Variants in ZCWPW2 observed in about 807,000 individuals in gnomAD.
The protein encoded by ZCWPW2 is zinc finger CW-type PWWP domain protein 2.
ZCWPW2 carries 45 observed loss-of-function variants against 46.6 expected under a neutral mutation model. That is an observed-to-expected ratio of 0.96 (90% CI 0.76 to 1.24). The LOEUF is 1.24. Ranked by LOEUF, ZCWPW2 falls within the 50% of genes most tolerant of loss-of-function variation. ZCWPW2 has a pLI of 0.00. For missense variants in ZCWPW2, 429 were observed against 403.9 expected, an observed-to-expected ratio of 1.06 and a Z score of -0.53; for synonymous variants, 152 against 137.1, an observed-to-expected ratio of 1.11 and a Z score of -0.76.
At chr3:28,385,917 A>T (rs1300685738) in intron 1 of ZCWPW2, among the ~76,000 whole-genome samples, 5 of 149,638 alleles carry the variant, frequency 3.3e-5, no homozygotes, top group African/African-American at 1.2e-4. Flanking sequence ...CACTCTCTTT[A>T]TCTGGCTTTT....
chr3:28,520,941 T>C (rs1700705888), intron 8 of ZCWPW2, 51 bp from the exon 9 acceptor site: 2 of 1,600,574 alleles, frequency 1.2e-6, no homozygotes, highest in South Asian at 2.2e-5. Flanking sequence ...ATGAATTAGA[T>C]TGAATTAAGT....
chr3:28,390,247 AATT>A (rs1695433054), intron 1 of ZCWPW2, among the ~76,000 whole-genome samples: 1 of 152,166 alleles, frequency 6.6e-6, no homozygotes, highest in Non-Finnish European at 1.5e-5. Context: ...AAAAACAAAG[AATT>A]ATTTTTATTA....
chr3:28,445,518 G>C (rs1314583768), intron 4 of ZCWPW2, among the ~76,000 whole-genome samples: 1 of 152,000 alleles, frequency 6.6e-6, no homozygotes, highest in Non-Finnish European at 1.5e-5. Flanking sequence ...TAATCCTCGT[G>C]TTAAACACAA....
chr3:28,523,362 A>G (rs1405286832), intron 9 of ZCWPW2, among the ~76,000 whole-genome samples: 1 of 152,162 alleles, frequency 6.6e-6, no homozygotes, highest in Non-Finnish European at 1.5e-5. Context: ...GAGAAATTTC[A>G]GTTTAAAAGT....
intron 5 of ZCWPW2, 33 bp downstream of exon 5, chr3:28,478,964 A>T: frequency 1.5e-6 from 2 of 1,369,260 alleles, no homozygotes; most frequent in Non-Finnish European, 2.0e-6. Context: ...TTACTCTGAA[A>T]TAAGGATTTA....
At chr3:28,454,792 A>C (rs573548973) in intron 4 of ZCWPW2, among the ~76,000 whole-genome samples, 44 of 152,306 alleles carry the variant, frequency 2.9e-4, no homozygotes, top group African/African-American at 1.0e-3. Context: ...GGCTCCACCC[A>C]TGTCTGTGCA....
At chr3:28,373,095 A>G (rs1268913283) in intron 1 of ZCWPW2, among the ~76,000 whole-genome samples, 3 of 152,172 alleles carry the variant, frequency 2.0e-5, no homozygotes, top group Non-Finnish European at 4.4e-5. Flanking sequence ...TAATTTGGCT[A>G]TTGTGAATAG....
chr3:28,401,615 C>A (rs190237218), intron 2 of ZCWPW2, among the ~76,000 whole-genome samples: 1 of 152,196 alleles, frequency 6.6e-6, no homozygotes, highest in East Asian at 1.9e-4. Context: ...ACATTTCATC[C>A]GACAACTGCA....
intron 1 of ZCWPW2, among the ~76,000 whole-genome samples, chr3:28,362,171 A>G (rs1228440603): frequency 6.6e-6 from 1 of 152,196 alleles, no homozygotes; most frequent in Non-Finnish European, 1.5e-5. Flanking sequence ...GTATAAATGG[A>G]ATGGAATATC....
chr3:28,350,216 T>C (rs1704490316), intron 1 of ZCWPW2, among the ~76,000 whole-genome samples: 1 of 152,206 alleles, frequency 6.6e-6, no homozygotes, highest in Non-Finnish European at 1.5e-5. Context: ...AAGTAGAGTT[T>C]TGAAGAATGC....
At chr3:28,520,600 A>T (rs1700696880) in intron 8 of ZCWPW2, among the ~76,000 whole-genome samples, 1 of 152,228 alleles carries the variant, frequency 6.6e-6, no homozygotes, top group Non-Finnish European at 1.5e-5. Context: ...GTCACAGACC[A>T]TCTGGCTCCC....
intron 4 of ZCWPW2, among the ~76,000 whole-genome samples, chr3:28,474,861 G>A (rs1699181519): frequency 1.3e-5 from 2 of 151,670 alleles, no homozygotes; most frequent in Non-Finnish European, 2.9e-5. Flanking sequence ...ACGGAGTCTC[G>A]CTCTGTTGCC....
intron 4 of ZCWPW2, chr3:28,478,398 C>T: frequency 5.0e-6 from 1 of 199,398 alleles, no homozygotes; most frequent in Non-Finnish European, 1.1e-5. Context: ...GTGTGAACCA[C>T]TGCACCCTGC....
At chr3:28,410,731 G>A (rs1002053665) in intron 2 of ZCWPW2, among the ~76,000 whole-genome samples, 5 of 151,806 alleles carry the variant, frequency 3.3e-5, no homozygotes, top group Admixed American at 2.0e-4. Flanking sequence ...ATCAACTTAA[G>A]AAGAGAAAAA....
chr3:28,435,332 A>G, intron 4 of ZCWPW2, 63 bp downstream of exon 4: 2 of 1,485,992 alleles, frequency 1.3e-6, no homozygotes, highest in Non-Finnish European at 1.8e-6. Flanking sequence ...GGTAATTTTT[A>G]TCTTTGATCA....
At chr3:28,474,562 C>T (rs1559519754) in intron 4 of ZCWPW2, among the ~76,000 whole-genome samples, 1 of 148,670 alleles carries the variant, frequency 6.7e-6, no homozygotes, top group African/African-American at 2.5e-5. Flanking sequence ...TTCTCTCATC[C>T]ATATTTCTTG....
intron 4 of ZCWPW2, among the ~76,000 whole-genome samples, chr3:28,455,070 A>G (rs1039539540): frequency 2.6e-5 from 4 of 152,220 alleles, no homozygotes; most frequent in Non-Finnish European, 5.9e-5. Flanking sequence ...ACTGTCTTCC[A>G]CAATGGTTGA....
intron 1 of ZCWPW2, among the ~76,000 whole-genome samples, chr3:28,385,385 A>AT (rs1695233556): frequency 2.6e-5 from 4 of 152,190 alleles, no homozygotes; most frequent in African/African-American, 9.6e-5. Flanking sequence ...AATTAGAGAA[A>AT]TACCACCTCA....
chr3:28,400,486 C>T (rs1455282482), intron 2 of ZCWPW2, among the ~76,000 whole-genome samples: 2 of 152,134 alleles, frequency 1.3e-5, no homozygotes, highest in African/African-American at 2.4e-5. Context: ...GGCACATAGT[C>T]ATCAAGTTAT....
Sources: gnomAD v4.1 joint callset for allele counts (sites outside exome capture counted in the v4.1 genomes callset) on GRCh38, gnomAD v4.1.1 for gene constraint, MANE v1.5 for transcripts, NCBI Gene and HGNC (gene_info 2026-07-23, HGNC 2026-07-21) for gene names.